DAPK1: variants seen among roughly 807,000 people sequenced by gnomAD.
DAPK1 encodes death associated protein kinase 1, also known as death-associated protein kinase 1.
Under a neutral mutation model 144.9 loss-of-function variants are expected in DAPK1, and 56 were observed. That is an observed-to-expected ratio of 0.39 (90% CI 0.31 to 0.48). DAPK1 has a LOEUF of 0.48. DAPK1 is among the 20% of genes least tolerant of loss of function. The pLI is 0.95. For missense variants in DAPK1, 1,454 were observed against 1,875.4 expected, an observed-to-expected ratio of 0.78 and a Z score of 4.15; for synonymous variants, 690 against 749.0, an observed-to-expected ratio of 0.92 and a Z score of 1.29.
At chr9:87,643,090 G>C (rs1374439395) in intron 10 of DAPK1, among the ~76,000 whole-genome samples, 14 of 152,116 alleles carry the variant, frequency 9.2e-5, no homozygotes, top group Admixed American at 9.2e-4. Context: ...GAAAGGATGT[G>C]GGGTGTCCAG....
intron 2 of DAPK1, among the ~76,000 whole-genome samples, chr9:87,526,501 T>C (rs966345678): frequency 3.9e-5 from 6 of 152,240 alleles, no homozygotes; most frequent in Admixed American, 2.0e-4. Context: ...TTTTTATTGC[T>C]GAGTTTTCTG....
chr9:87,521,980 T>G (rs1265358978), intron 2 of DAPK1, among the ~76,000 whole-genome samples: 1 of 152,230 alleles, frequency 6.6e-6, no homozygotes, highest in Non-Finnish European at 1.5e-5. Context: ...GCATATTTAG[T>G]GAGCATTTTC....
chr9:87,515,814 C>T (rs754252763), intron 2 of DAPK1, among the ~76,000 whole-genome samples: 7 of 152,124 alleles, frequency 4.6e-5, no homozygotes, highest in Admixed American at 2.6e-4. Flanking sequence ...GCAGGAGCTG[C>T]GGGGCAAGTA....
intron 2 of DAPK1, among the ~76,000 whole-genome samples, chr9:87,570,102 AT>A (rs34663541): frequency 0.035 from 5,312 of 151,172 alleles, 117 homozygotes; most frequent in Middle Eastern, 0.068. Flanking sequence ...GTCACTTTCT[AT>A]TTTTTTTTAA....
intron 2 of DAPK1, among the ~76,000 whole-genome samples, chr9:87,576,936 G>A (rs1827584466): frequency 6.6e-6 from 1 of 152,162 alleles, no homozygotes; most frequent in South Asian, 2.1e-4. Context: ...CACGAGGTGA[G>A]CTCCAGGGTA....
intron 18 of DAPK1, among the ~76,000 whole-genome samples, chr9:87,660,187 G>A (rs1225384124): frequency 3.3e-5 from 5 of 152,132 alleles, no homozygotes; most frequent in African/African-American, 1.2e-4. Context: ...CTGGCGTGGA[G>A]GCCCAGGAGA....
intron 21 of DAPK1, among the ~76,000 whole-genome samples, chr9:87,690,439 T>C (rs2117954749): frequency 6.6e-6 from 1 of 152,240 alleles, no homozygotes; most frequent in East Asian, 1.9e-4. Context: ...TCTGTAGTTA[T>C]AAGACCATAT....
intron 3 of DAPK1, among the ~76,000 whole-genome samples, chr9:87,629,603 T>C (rs1226550462): frequency 6.6e-6 from 1 of 152,120 alleles, no homozygotes; most frequent in Non-Finnish European, 1.5e-5. Flanking sequence ...GTCTCAAACT[T>C]GGGGCCTCAA....
At chr9:87,546,128 G>A (rs1826242123) in intron 2 of DAPK1, among the ~76,000 whole-genome samples, 1 of 152,072 alleles carries the variant, frequency 6.6e-6, no homozygotes, top group Non-Finnish European at 1.5e-5. Flanking sequence ...GGGTGGTGGT[G>A]GAGCAAAACC....
Position 87,650,229 on chromosome 9 carries a change from CTG to C in DAPK1, c.1626+113_1626+114del, listed in dbSNP as rs1236813028. The C allele has an allele frequency of 1.1e-5, 11 of 984,314 alleles. No individual in the cohort carries two copies. The South Asian group carries it at 1.1e-4, about 10-fold the overall frequency. The allele number at this position is 984,314 out of a possible 1,614,324, so 61.0% of individuals were successfully genotyped here. A position where few individuals can be genotyped will look rare whatever the true frequency, so the allele number is the denominator to read the frequency against. ...AGATAACAAACTTGAATGCAGCAAA[CTG>C]TAATTACCCCGTCTCTTCTCTGTTC... On this transcript the variant is annotated intron_variant, in intron 16 of 25. Coordinates refer to ENST00000408954, the MANE Select transcript of DAPK1 (RefSeq NM_004938.4).
intron 2 of DAPK1, among the ~76,000 whole-genome samples, chr9:87,512,652 T>C (rs1173255286): frequency 1.3e-5 from 2 of 152,184 alleles, no homozygotes; most frequent in Non-Finnish European, 1.5e-5. Flanking sequence ...GAGGCTGCTT[T>C]CTTTTTTTTG....
intron 2 of DAPK1, among the ~76,000 whole-genome samples, chr9:87,560,933 T>G (rs568567481): frequency 6.6e-6 from 1 of 152,236 alleles, no homozygotes; most frequent in African/African-American, 2.4e-5. Context: ...CACAAAGTGT[T>G]GGGATTACCA....
intron 19 of DAPK1, among the ~76,000 whole-genome samples, chr9:87,676,478 G>A (rs1018587229): frequency 6.6e-6 from 1 of 152,270 alleles, no homozygotes; most frequent in Non-Finnish European, 1.5e-5. Flanking sequence ...GATGTGCTTA[G>A]ATTCCCCAAG....
chr9:87,642,509 C>A (rs1173549139), intron 10 of DAPK1, among the ~76,000 whole-genome samples: 1 of 152,012 alleles, frequency 6.6e-6, no homozygotes, highest in African/African-American at 2.4e-5. Flanking sequence ...TGCAGGGTGG[C>A]CTGTTCTCCT....
intron 2 of DAPK1, among the ~76,000 whole-genome samples, chr9:87,511,668 TTGTGTGTGTGTGTGTG>T (rs59377718): frequency 7.1e-6 from 1 of 140,636 alleles, no homozygotes; most frequent in Non-Finnish European, 1.5e-5. Context: ...TCTTTTTCTT[TTGTGTGTGTGTGTGTG>T]TGTGTGTGTG....
At chr9:87,524,930 G>A (rs1029131288) in intron 2 of DAPK1, among the ~76,000 whole-genome samples, 1 of 152,128 alleles carries the variant, frequency 6.6e-6, no homozygotes, top group Non-Finnish European at 1.5e-5. Flanking sequence ...GACTACAAAT[G>A]GGGTGCATTG....
At chr9:87,666,896 C>T (rs760866009) in intron 18 of DAPK1, among the ~76,000 whole-genome samples, 2 of 152,142 alleles carry the variant, frequency 1.3e-5, no homozygotes, top group South Asian at 2.1e-4. Flanking sequence ...GCAAGAGGAA[C>T]GTCCTGTTCA....
At chr9:87,612,468 T>C (rs1828963776) in intron 3 of DAPK1, among the ~76,000 whole-genome samples, 1 of 152,090 alleles carries the variant, frequency 6.6e-6, no homozygotes, top group Admixed American at 6.5e-5. Context: ...CTCAGATCCC[T>C]TAGAAGGACC....
intron 4 of DAPK1, among the ~76,000 whole-genome samples, chr9:87,638,937 C>T (rs941891947): frequency 2.6e-5 from 4 of 152,194 alleles, no homozygotes; most frequent in African/African-American, 9.6e-5. Flanking sequence ...AGAAAAATGT[C>T]CACAGAAGCA....
Sources: allele counts gnomAD v4.1 joint callset (sites outside exome capture counted in the v4.1 genomes callset), GRCh38; gene constraint gnomAD v4.1.1; transcripts MANE v1.5; gene names NCBI Gene and HGNC (gene_info 2026-07-23, HGNC 2026-07-21).